OXSR1: variants seen among roughly 807,000 people sequenced by gnomAD.
The protein encoded by OXSR1 is serine/threonine-protein kinase OSR1.
In OXSR1, 24 loss-of-function variants were observed where a neutral mutation model predicts 79.8. The observed-to-expected ratio is 0.30, with a 90% CI of 0.22 to 0.42. The LOEUF is 0.42. Ranked by LOEUF, OXSR1 falls within the 10% of genes least tolerant of loss-of-function variation. The pLI is 1.00. For synonymous variants in OXSR1, 226 were observed against 209.2 expected (o/e 1.08, Z -0.69); for missense variants, 430 against 618.4 (o/e 0.70, Z 3.23).
intron 14 of OXSR1, among the ~76,000 whole-genome samples, chr3:38,249,298 GATC>G (rs1703207121): frequency 6.6e-6 from 1 of 152,122 alleles, no homozygotes; most frequent in South Asian, 2.1e-4. Flanking sequence ...TGCATGGTGT[GATC>G]ATCACTGTAA....
At chr3:38,187,234 T>C (rs549567528) in intron 2 of OXSR1, among the ~76,000 whole-genome samples, 34 of 152,350 alleles carry the variant, frequency 2.2e-4, no homozygotes, top group African/African-American at 7.7e-4. Flanking sequence ...GAATATACTC[T>C]CATTTTCTAT....
In OXSR1 at chr3:38,254,316, C is replaced by A. The variant is rs559163156; in HGVS notation, c.*1425C>A. ...GGAACATATCTGAAAACCTTCCCCA[C>A]AAATAACTTGTCACACCTTTTGTTT... On this transcript the variant is annotated 3_prime_UTR_variant, in exon 18 of 18. Coordinates refer to ENST00000311806, the MANE Select transcript of OXSR1 (RefSeq NM_005109.3). 8.3e-5 allele frequency: 33 copies of A among 398,272 alleles called. 1 individual carries two copies. In the East Asian group the frequency reaches 9.3e-4, roughly 11 times the overall value. 24.7% of individuals were successfully genotyped at this position (398,272 alleles called of 1,614,324 possible). A position where few individuals can be genotyped will look rare whatever the true frequency, so the allele number is the denominator to read the frequency against.
intron 4 of OXSR1, among the ~76,000 whole-genome samples, chr3:38,209,082 T>G (rs867574976): frequency 2.6e-5 from 4 of 152,266 alleles, no homozygotes; most frequent in Middle Eastern, 3.4e-3. Context: ...AGCTTTACAA[T>G]TTGTAGTAGT....
At chr3:38,215,027 A>C (rs186755576) in intron 4 of OXSR1, among the ~76,000 whole-genome samples, 2 of 152,264 alleles carry the variant, frequency 1.3e-5, no homozygotes, top group Admixed American at 1.3e-4. Context: ...TTTACTTTTA[A>C]TTACAAAATG....
intron 8 of OXSR1, 86 bp downstream of exon 8, chr3:38,224,790 T>A: frequency 1.1e-6 from 1 of 908,022 alleles, no homozygotes; most frequent in Non-Finnish European, 1.6e-6. Context: ...TACAGGAAAT[T>A]ATTTTCAAAA....
chr3:38,199,290 A>G (rs2125820193), intron 4 of OXSR1, among the ~76,000 whole-genome samples: 1 of 151,148 alleles, frequency 6.6e-6, no homozygotes, highest in African/African-American at 2.4e-5. Context: ...TTTTTTTGAA[A>G]CAGGGTCTCT....
intron 7 of OXSR1, among the ~76,000 whole-genome samples, chr3:38,224,364 G>A (rs1181466128): frequency 6.6e-6 from 1 of 152,198 alleles, no homozygotes; most frequent in Non-Finnish European, 1.5e-5. Flanking sequence ...GCGTGTGTGT[G>A]TTGAGAAGCT....
At chr3:38,241,594 G>A (rs9850171) in intron 11 of OXSR1, among the ~76,000 whole-genome samples, 20,697 of 151,906 alleles carry the variant, frequency 0.14, 1,807 homozygotes, top group Middle Eastern at 0.27. Context: ...CTCAAATGGT[G>A]TAGGAAAAAT....
At chr3:38,243,181 A>T (rs1188498112) in intron 12 of OXSR1, among the ~76,000 whole-genome samples, 1 of 151,830 alleles carries the variant, frequency 6.6e-6, no homozygotes, top group Non-Finnish European at 1.5e-5. Context: ...CCACAGGCAC[A>T]CACCACCATG....
chr3:38,169,572 T>C (rs948706538), intron 1 of OXSR1, among the ~76,000 whole-genome samples: 1 of 152,204 alleles, frequency 6.6e-6, no homozygotes. Context: ...CCCAAAGTGC[T>C]GGGATTACAG....
At chr3:38,173,981 G>A (rs529868280) in intron 1 of OXSR1, among the ~76,000 whole-genome samples, 1 of 152,210 alleles carries the variant, frequency 6.6e-6, no homozygotes, top group Non-Finnish European at 1.5e-5. Context: ...AGGTGAAGAA[G>A]TGAATGATGT....
At chr3:38,170,974 C>T (rs1290859568) in intron 1 of OXSR1, among the ~76,000 whole-genome samples, 1 of 152,066 alleles carries the variant, frequency 6.6e-6, no homozygotes, top group East Asian at 1.9e-4. Context: ...GACAGGGTCT[C>T]ATATGTTGTC....
intron 11 of OXSR1, among the ~76,000 whole-genome samples, chr3:38,242,180 A>T (rs1250001608): frequency 6.6e-6 from 1 of 151,962 alleles, no homozygotes; most frequent in African/African-American, 2.4e-5. Flanking sequence ...CACTACCTTT[A>T]TTTTTGCTAG....
At chr3:38,246,276 G>T (rs1703141228) in intron 13 of OXSR1, 55 bp downstream of exon 13, 6 of 1,547,760 alleles carry the variant, frequency 3.9e-6, no homozygotes, top group Non-Finnish European at 5.3e-6. Context: ...GAAAAGAGCA[G>T]ATATTAACGT....
rs1401312556 is a variant in OXSR1 at position 38,237,035 on chromosome 3, A to G, written c.1074+74A>G. On this transcript the variant is annotated intron_variant, in intron 11 of 17. Coordinates refer to ENST00000311806, the MANE Select transcript of OXSR1 (RefSeq NM_005109.3). Reference sequence around the variant, plus strand: ...TGTTCAGCTTAACCAGCTAAAATATAAAGAATACAATTGTAACAGGATTTT... The same window carrying G: ...TGTTCAGCTTAACCAGCTAAAATATGAAGAATACAATTGTAACAGGATTTT... 4 of 1,334,634 alleles carry G rather than the reference A, an allele frequency of 3.0e-6. No individual in the cohort carries two copies. The East Asian group carries it at 9.6e-5, about 32-fold the overall frequency. 82.7% of individuals were successfully genotyped at this position (1,334,634 alleles called of 1,614,324 possible). A position where few individuals can be genotyped will look rare whatever the true frequency, so the allele number is the denominator to read the frequency against.
chr3:38,249,320 C>T (rs1703207976), intron 14 of OXSR1, among the ~76,000 whole-genome samples: 1 of 152,152 alleles, frequency 6.6e-6, no homozygotes. Context: ...AACTGTACCT[C>T]ACCAGTCAGG....
chr3:38,253,112 A>T lies in OXSR1; in HGVS notation c.*221A>T. 1 of 556,030 alleles carries T rather than the reference A, an allele frequency of 1.8e-6. No homozygotes were observed. Among genetic ancestry groups the T allele is most frequent in the Admixed American group, 3.2e-5 (1 of 31,132 alleles). The allele number at this position is 556,030 out of a possible 1,614,324, so 34.4% of individuals were successfully genotyped here. ...AGCATCCCCAGAGTTCCGTTAGTAA[A>T]CTTACTTCATATGTCCCCTGTCTTC... On this transcript the variant is annotated 3_prime_UTR_variant, in exon 18 of 18. Coordinates refer to ENST00000311806, the MANE Select transcript of OXSR1 (RefSeq NM_005109.3).
intron 15 of OXSR1, 105 bp downstream of exon 15, chr3:38,250,123 A>G: frequency 1.2e-6 from 1 of 826,260 alleles, no homozygotes; most frequent in Non-Finnish European, 2.0e-6. Flanking sequence ...TTAAAGGATA[A>G]TAAAAATTTT....
chr3:38,213,834 AT>A (rs1490065848), intron 4 of OXSR1, among the ~76,000 whole-genome samples: 2 of 152,360 alleles, frequency 1.3e-5, no homozygotes, highest in African/African-American at 4.8e-5. Context: ...CAATATAAGC[AT>A]AATGTATGTC....
Sources: allele counts gnomAD v4.1 joint callset (sites outside exome capture counted in the v4.1 genomes callset), GRCh38; gene constraint gnomAD v4.1.1; transcripts MANE v1.5; gene names NCBI Gene and HGNC (gene_info 2026-07-23, HGNC 2026-07-21).